Variants in USP38 observed in about 807,000 individuals in gnomAD.
The protein encoded by USP38 is ubiquitin specific peptidase 38.
A neutral mutation model predicts 94.3 loss-of-function variants in USP38; 49 were observed. The ratio of observed to expected loss-of-function variants is 0.52; its 90% CI spans 0.41 to 0.66. The LOEUF (loss-of-function observed/expected upper bound fraction) is 0.66. Ranked by LOEUF, USP38 falls within the 30% of genes least tolerant of loss-of-function variation. The probability of loss-of-function intolerance (pLI) is 0.00; values close to 1 mark genes in which losing one functional copy is unlikely to be tolerated. For synonymous variants in USP38, 468 were observed against 463.6 expected (o/e 1.01, Z -0.12); for missense variants, 1,128 against 1,229.4 (o/e 0.92, Z 1.23).
Position 143,213,742 on chromosome 4 carries a change from T to A in USP38, c.1766T>A (p.Met589Lys), listed in dbSNP as rs1176051767. The A allele has an allele frequency of 6.2e-7, 1 of 1,613,626 alleles. No individual in the cohort carries two copies. The stretch of plus-strand genomic sequence containing the variant: ...GGTGAGAAGACTTTAATAGAAAAAA[T>A]GTTTGGAGGAAAACTACGAACTCAC... The part of the protein sequence containing the change: ...SDGEKTLIEK[M>K]FGGKLRTHIR... Residue 589 changes from methionine (M) to lysine (K), a missense_variant, in exon 9 of 10, where the codon ATG (methionine) becomes AAG (lysine). Physicochemically the swap from Met to Lys is moderately conservative, Grantham distance 95 (BLOSUM62 -1). Coordinates refer to ENST00000307017, the MANE Select transcript of USP38 (RefSeq NM_032557.6).
At chr4:143,187,664 C>T (rs951723801) in intron 1 of USP38, among the ~76,000 whole-genome samples, 162 bp from the exon 2 acceptor site, 1 of 152,082 alleles carries the variant, frequency 6.6e-6, no homozygotes, top group African/African-American at 2.4e-5. Context: ...TGTAATTTAA[C>T]ATTCCTTGTA....
chr4:143,215,704 A>G (rs1581169397), intron 9 of USP38: 2 of 152,226 alleles, frequency 1.3e-5, no homozygotes, highest in Non-Finnish European at 1.5e-5. Context: ...GAATGAGTAC[A>G]TTTTGAAAAT....
At position 143,185,567 on chromosome 4, in the gene USP38, G is replaced by A. The variant is rs767465886; in HGVS notation, c.117G>A (p.Glu39=). ...AEHWLDEAQC[E]AMFDLTTRLI... ...ACTGGCTAGACGAGGCGCAGTGCGA[G>A]GCCATGTTTGACCTGACGACCCGGC... Residue 39 remains glutamate, a synonymous_variant, in exon 1 of 10, where the codon GAG becomes GAA. Transcript: ENST00000307017. The A allele has an allele frequency of 3.1e-6, 5 of 1,614,184 alleles. No individual in the cohort carries two copies. Among genetic ancestry groups the A allele is most frequent in the Non-Finnish European group, 4.2e-6 (5 of 1,180,034 alleles).
At chr4:143,206,296 T>C in intron 6 of USP38, 70 bp downstream of exon 6, 1 of 1,287,504 alleles carries the variant, frequency 7.8e-7, no homozygotes, top group Non-Finnish European at 1.1e-6. Context: ...TATAAGATGA[T>C]AGAATTGTCT....
In USP38 at chr4:143,197,936, CAT is replaced by C. The variant is rs761933370; in HGVS notation, c.1050+14_1050+15del. On this transcript the variant is annotated intron_variant, in intron 4 of 9. Coordinates refer to ENST00000307017, the MANE Select transcript of USP38 (RefSeq NM_032557.6). The stretch of plus-strand genomic sequence containing the variant: ...AGGCGTTCCATTTGGTAAGTTATGA[CAT>C]AAACGTTCTACTTTGAAAAAGCCTC... 1.3e-6 allele frequency: 2 copies of C among 1,567,732 alleles called. No homozygotes were observed.
chr4:143,196,161 G>T (rs1326221749), intron 3 of USP38, among the ~76,000 whole-genome samples: 1 of 151,960 alleles, frequency 6.6e-6, no homozygotes, highest in Non-Finnish European at 1.5e-5. Context: ...CAAAAATTAG[G>T]TTGGCATAAT....
intron 6 of USP38, among the ~76,000 whole-genome samples, chr4:143,208,538 AT>A (rs1437759333): frequency 1.3e-5 from 2 of 152,104 alleles, no homozygotes; most frequent in Non-Finnish European, 2.9e-5. Context: ...ATGAAGAAAA[AT>A]GTCTCTTAAT....
At chr4:143,199,300 T>C (rs990621189) in intron 4 of USP38, among the ~76,000 whole-genome samples, 11 of 152,120 alleles carry the variant, frequency 7.2e-5, no homozygotes, top group Admixed American at 1.3e-4. Flanking sequence ...CCATCCGTGT[T>C]CCCGCAGAAG....
intron 1 of USP38, among the ~76,000 whole-genome samples, chr4:143,187,167 T>TA (rs1731253619): frequency 6.6e-6 from 1 of 152,212 alleles, no homozygotes; most frequent in African/African-American, 2.4e-5. Context: ...TTTTGAACTG[T>TA]AGCAGTAAAG....
intron 7 of USP38, among the ~76,000 whole-genome samples, chr4:143,210,197 AATT>A (rs1731984276): frequency 6.6e-6 from 1 of 152,198 alleles, no homozygotes; most frequent in Non-Finnish European, 1.5e-5. Context: ...CGGGGTCATT[AATT>A]TATGTTAATG....
In USP38 at chr4:143,212,304, A is replaced by T. The variant is rs527499566; in HGVS notation, c.1498-14A>T. Reference sequence around the variant, plus strand: ...AGAATCACTTCCTTATATTTTCTCAATTGCTCTCAAAAGAGGGAAGCATAC... The same window carrying T: ...AGAATCACTTCCTTATATTTTCTCATTTGCTCTCAAAAGAGGGAAGCATAC... On this transcript the variant is annotated splice_polypyrimidine_tract_variant and intron_variant, in intron 7 of 9. Transcript: ENST00000307017. The T allele has an allele frequency of 1.9e-6, 3 of 1,589,674 alleles. No homozygotes were observed. Among genetic ancestry groups the T allele is most frequent in the African/African-American group, 2.7e-5 (2 of 73,714 alleles).
rs541064144 is a variant in USP38, at chr4:143,223,379, T to C, written c.*2923T>C. 5.9e-5 allele frequency: 9 copies of C among 152,258 alleles called. No homozygotes were observed. Among genetic ancestry groups the C allele is most frequent in the African/African-American group, 2.2e-4 (9 of 41,568 alleles). 9.4% of individuals were successfully genotyped at this position (152,258 alleles called of 1,614,324 possible). ...AAAATTCATTATGATGCTAGAGGCA[T>C]TGGGGGGTCCATGCGAAAGGTTCAA... On this transcript the variant is annotated 3_prime_UTR_variant, in exon 10 of 10. Coordinates refer to ENST00000307017, the MANE Select transcript of USP38 (RefSeq NM_032557.6).
intron 9 of USP38, among the ~76,000 whole-genome samples, chr4:143,216,077 A>G (rs532785639): frequency 1.1e-4 from 16 of 152,154 alleles, no homozygotes; most frequent in African/African-American, 3.9e-4. Context: ...AACTACTCTC[A>G]TTTCTGTGAT....
chr4:143,203,324 T>C (rs1731767286), intron 4 of USP38, 84 bp from the exon 5 acceptor site: 3 of 1,341,134 alleles, frequency 2.2e-6, no homozygotes, highest in African/African-American at 2.9e-5. Flanking sequence ...GCTGATCATA[T>C]ATCGTTTGTG....
chr4:143,200,040 A>T (rs565259107), intron 4 of USP38, among the ~76,000 whole-genome samples: 1 of 152,246 alleles, frequency 6.6e-6, no homozygotes, highest in South Asian at 2.1e-4. Context: ...TTTGTCATGA[A>T]ATCTTTGTGT....
chr4:143,207,641 A>C (rs774877375), intron 6 of USP38, among the ~76,000 whole-genome samples: 31 of 145,264 alleles, frequency 2.1e-4, no homozygotes, highest in Admixed American at 5.7e-4. Flanking sequence ...TTAGCATTTA[A>C]TTTTTTGGTT....
rs1732224123 is a variant in USP38, at chr4:143,217,858, G to T, written c.2968-2437G>T. Among the ~76,000 whole-genome samples the T allele has an allele frequency of 2.0e-5, 3 of 152,120 alleles. No individual in the cohort carries two copies. In the South Asian group the frequency reaches 6.2e-4, roughly 31 times the overall value. ...GACATTTGGGAAAACAATGCAAATT[G>T]TGGATCTCGAAGTAAATTTTTGAAA... On this transcript the variant is annotated intron_variant, in intron 9 of 9. Transcript: ENST00000307017.
chr4:143,206,059 G>A lies in USP38; in HGVS notation c.1236G>A (p.Lys412=). ...ATTTTCCTAAGCCCAGTGAAGAGAA[G>A]ATTAAGTTAATTCTCAATCAAAGTG... is the stretch of plus-strand genomic sequence containing the variant. ...IKDFPKPSEE[K]IKLILNQSAW... The change falls in exon 6 of 10, where the codon AAG becomes AAA. Residue 412 remains lysine, a synonymous_variant. Coordinates refer to ENST00000307017, the MANE Select transcript of USP38 (RefSeq NM_032557.6). 1 of 1,610,370 alleles carries A rather than the reference G, an allele frequency of 6.2e-7. No homozygotes were observed. Among genetic ancestry groups the A allele is most frequent in the Non-Finnish European group, 8.5e-7 (1 of 1,178,542 alleles).
At chr4:143,192,511 A>C (rs1475913630) in intron 2 of USP38, among the ~76,000 whole-genome samples, 1 of 147,302 alleles carries the variant, frequency 6.8e-6, no homozygotes, top group Non-Finnish European at 1.5e-5. Context: ...TGTGGTAGAG[A>C]TCTAACTTTA....
Sources: allele counts gnomAD v4.1 joint callset (sites outside exome capture counted in the v4.1 genomes callset), GRCh38; gene constraint gnomAD v4.1.1; transcripts MANE v1.5; gene names NCBI Gene and HGNC (gene_info 2026-07-23, HGNC 2026-07-21).